RGS7: variants seen among roughly 807,000 people sequenced by gnomAD.
RGS7 encodes regulator of G-protein signaling 7.
Under a neutral mutation model 81.1 loss-of-function variants are expected in RGS7, and 27 were observed. The ratio of observed to expected loss-of-function variants is 0.33; its 90% confidence interval spans 0.25 to 0.46. RGS7 has a LOEUF of 0.46. RGS7 is among the 20% of genes least tolerant of loss of function. The pLI, the probability that RGS7 is intolerant of heterozygous loss-of-function variation, is 1.00. For missense variants in RGS7, 396 were observed against 607.4 expected (o/e 0.65, Z 3.66); for synonymous variants, 208 against 207.7 (o/e 1.00, Z -0.01).
chr1:240,846,680 C>A (rs1659142519), intron 9 of RGS7, among the ~76,000 whole-genome samples: 1 of 152,196 alleles, frequency 6.6e-6, no homozygotes, highest in Admixed American at 6.5e-5. Flanking sequence ...TCCCCTCCCA[C>A]ACTGCACCAG....
At chr1:241,074,128 C>A (rs2062657587) in intron 3 of RGS7, among the ~76,000 whole-genome samples, 1 of 152,072 alleles carries the variant, frequency 6.6e-6, no homozygotes, top group Non-Finnish European at 1.5e-5. Flanking sequence ...AAACTCCTGA[C>A]CTGAAGTGAC....
intron 2 of RGS7, among the ~76,000 whole-genome samples, chr1:241,283,527 G>A (rs138697510): frequency 1.1e-4 from 17 of 152,104 alleles, no homozygotes; most frequent in Admixed American, 8.5e-4. Flanking sequence ...TAGGTAAGAT[G>A]TCACTTTTTA....
intron 2 of RGS7, among the ~76,000 whole-genome samples, chr1:241,225,375 A>T (rs971848271): frequency 1.3e-5 from 2 of 152,220 alleles, no homozygotes; most frequent in East Asian, 3.8e-4. Flanking sequence ...CTCTTTAGGT[A>T]TAATATACCT....
chr1:241,243,856 A>G (rs2076386302), intron 2 of RGS7, among the ~76,000 whole-genome samples: 1 of 152,192 alleles, frequency 6.6e-6, no homozygotes, highest in African/African-American at 2.4e-5. Flanking sequence ...TAAACACTTG[A>G]TTTTGCCTTC....
intron 9 of RGS7, among the ~76,000 whole-genome samples, chr1:240,863,751 GA>G (rs1406208010): frequency 6.6e-6 from 1 of 151,942 alleles, no homozygotes; most frequent in African/African-American, 2.4e-5. Flanking sequence ...AAGGATATGT[GA>G]AAACCGTTTT....
At chr1:240,937,318 CTTTG>C (rs1036273650) in intron 4 of RGS7, among the ~76,000 whole-genome samples, 6 of 152,162 alleles carry the variant, frequency 3.9e-5, no homozygotes, top group African/African-American at 1.2e-4. Flanking sequence ...CTGAGAAATC[CTTTG>C]TTTGAGTGCT....
In RGS7 at chr1:241,039,893, ATAAACCTGTGTTAAGACAC is replaced by A. The variant is rs371245524; in HGVS notation, c.176-56783_176-56765del. 1.3e-3 allele frequency among the ~76,000 whole-genome samples: 197 copies of A among 152,338 alleles called. 1 individual carries two copies. The highest frequency in any genetic ancestry group is 4.4e-3 in the African/African-American group (184 of 41,572). ...GCTTTGGAAATTACATGTTCAATAA[ATAAACCTGTGTTAAGACAC>A]TAAGATTCAGGGACTTTGCTGTTAG... On this transcript the variant is annotated intron_variant, in intron 3 of 18. Transcript: ENST00000440928.
intron 2 of RGS7, among the ~76,000 whole-genome samples, chr1:241,244,305 A>T (rs1400699262): frequency 6.6e-6 from 1 of 152,232 alleles, no homozygotes; most frequent in African/African-American, 2.4e-5. Flanking sequence ...AAGGATATGA[A>T]CAGGCACTTC....
intron 2 of RGS7, among the ~76,000 whole-genome samples, chr1:241,232,170 G>C (rs1193925565): frequency 6.6e-6 from 1 of 150,548 alleles, no homozygotes; most frequent in East Asian, 2.0e-4. Flanking sequence ...TCTTAATTCT[G>C]TTCCATTGTT....
At chr1:241,044,359 C>T (rs2060796825) in intron 3 of RGS7, among the ~76,000 whole-genome samples, 1 of 152,122 alleles carries the variant, frequency 6.6e-6, no homozygotes, top group African/African-American at 2.4e-5. Flanking sequence ...ATCTGCCCGC[C>T]TTGGCCTCTC....
At chr1:241,337,335 T>G (rs1303938428) in intron 2 of RGS7, among the ~76,000 whole-genome samples, 1 of 152,128 alleles carries the variant, frequency 6.6e-6, no homozygotes, top group Non-Finnish European at 1.5e-5. Flanking sequence ...CAACCAGAAG[T>G]TGAACAATCA....
chr1:241,221,071 GAA>G (rs1491149305), intron 2 of RGS7, among the ~76,000 whole-genome samples: 19 of 132,628 alleles, frequency 1.4e-4, no homozygotes, highest in African/African-American at 5.5e-4. Flanking sequence ...GAGAGAGAGA[GAA>G]AGGAAGGAAG....
At chr1:241,098,431 C>A (rs879721494) in intron 3 of RGS7, among the ~76,000 whole-genome samples, 1 of 152,086 alleles carries the variant, frequency 6.6e-6, no homozygotes, top group Non-Finnish European at 1.5e-5. Context: ...TGTTTTACTT[C>A]GCATTTGTTC....
intron 3 of RGS7, among the ~76,000 whole-genome samples, chr1:241,082,746 T>C (rs965374086): frequency 1.3e-4 from 20 of 152,186 alleles, no homozygotes; most frequent in African/African-American, 4.6e-4. Flanking sequence ...AAAGAAAAGA[T>C]AAATATTTAA....
At chr1:240,946,736 A>T (rs966662446) in intron 4 of RGS7, among the ~76,000 whole-genome samples, 3 of 152,138 alleles carry the variant, frequency 2.0e-5, no homozygotes, top group African/African-American at 7.2e-5. Context: ...GAGGTGGGGG[A>T]CTGGGACAGG....
At chr1:241,033,517 T>C (rs1221808787) in intron 3 of RGS7, among the ~76,000 whole-genome samples, 1 of 152,084 alleles carries the variant, frequency 6.6e-6, no homozygotes, top group Non-Finnish European at 1.5e-5. Flanking sequence ...TTATATTTTA[T>C]ATAAAAATGA....
At chr1:241,188,587 TGATCCTCA>T (rs980015884) in intron 2 of RGS7, among the ~76,000 whole-genome samples, 33 of 152,356 alleles carry the variant, frequency 2.2e-4, no homozygotes, top group African/African-American at 7.5e-4. Context: ...GGTTTATTAA[TGATCCTCA>T]GACGTTTTAC....
At chr1:241,160,889 A>T (rs1365945518) in intron 2 of RGS7, among the ~76,000 whole-genome samples, 1 of 151,954 alleles carries the variant, frequency 6.6e-6, no homozygotes, top group African/African-American at 2.4e-5. Context: ...TGCAAAGTGG[A>T]CTCCTGTCGC....
chr1:241,132,614 G>A (rs1358394370), intron 2 of RGS7, among the ~76,000 whole-genome samples: 1 of 152,094 alleles, frequency 6.6e-6, no homozygotes, highest in African/African-American at 2.4e-5. Context: ...CACATATTTT[G>A]GAGAAGAGGT....
Sources: allele counts gnomAD v4.1 joint callset (sites outside exome capture counted in the v4.1 genomes callset), GRCh38; gene constraint gnomAD v4.1.1; transcripts MANE v1.5; gene names NCBI Gene and HGNC (gene_info 2026-07-23, HGNC 2026-07-21).